Variants in ANGPT1 observed in about 807,000 individuals in gnomAD.
ANGPT1 encodes the protein angiopoietin-1.
Under a neutral mutation model 62.2 loss-of-function variants are expected in ANGPT1, and 17 were observed. That is an observed-to-expected ratio of 0.27 (90% CI 0.19 to 0.41). The LOEUF (loss-of-function observed/expected upper bound fraction) is 0.41, where lower values mean the gene tolerates loss of function less well. Ranked by LOEUF, ANGPT1 falls within the 10% of genes least tolerant of loss-of-function variation. The pLI is 1.00. For synonymous variants in ANGPT1, 199 were observed against 198.9 expected (o/e 1.00, Z 0.00); for missense variants, 478 against 594.9 (o/e 0.80, Z 2.04).
chr8:107,273,341 C>A (rs1330898002), intron 7 of ANGPT1, among the ~76,000 whole-genome samples: 1 of 151,908 alleles, frequency 6.6e-6, no homozygotes, highest in East Asian at 1.9e-4. Flanking sequence ...AAATACTTTC[C>A]CTTGTTGTAC....
chr8:107,400,340 C>A (rs1817020300), intron 1 of ANGPT1, among the ~76,000 whole-genome samples: 1 of 152,152 alleles, frequency 6.6e-6, no homozygotes. Flanking sequence ...TCAGTTTATT[C>A]CCTGCTATAG....
In ANGPT1 at chr8:107,354,390, C is replaced by T. The variant is rs114160176; in HGVS notation, c.298-7293G>A. On this transcript the variant is annotated intron_variant, in intron 1 of 8. Coordinates refer to ENST00000517746, the MANE Select transcript of ANGPT1 (RefSeq NM_001146.5). ...TCCAGGTACTATCATTGATATACTC[C>T]ATGAATTTGGAGAAATCACTTAAAC... Among the ~76,000 whole-genome samples the T allele has an allele frequency of 3.8e-3, 585 of 152,126 alleles. 6 individuals are homozygous for T. The highest frequency in any genetic ancestry group is 0.014 in the African/African-American group (563 of 41,506).
intron 1 of ANGPT1, among the ~76,000 whole-genome samples, chr8:107,367,516 C>G (rs1337489760): frequency 2.6e-5 from 4 of 151,986 alleles, no homozygotes; most frequent in Non-Finnish European, 5.9e-5. Flanking sequence ...ATTGACTGTT[C>G]CTTTCACTAA....
chr8:107,266,656 G>T (rs1284717007), intron 7 of ANGPT1, among the ~76,000 whole-genome samples: 1 of 152,048 alleles, frequency 6.6e-6, no homozygotes, highest in African/African-American at 2.4e-5. Context: ...ATTTGTAATG[G>T]CCTTCCTTTT....
chr8:107,452,084 A>G (rs894845595), intron 1 of ANGPT1, among the ~76,000 whole-genome samples: 3 of 151,750 alleles, frequency 2.0e-5, no homozygotes, highest in African/African-American at 7.3e-5. Flanking sequence ...GTATAGAATG[A>G]ATAGAATAAG....
chr8:107,492,952 T>C (rs1292055960), intron 1 of ANGPT1, among the ~76,000 whole-genome samples: 3 of 150,412 alleles, frequency 2.0e-5, no homozygotes, highest in African/African-American at 7.4e-5. Flanking sequence ...TAAGTTCTTG[T>C]GCTTATAGAA....
intron 4 of ANGPT1, among the ~76,000 whole-genome samples, chr8:107,313,979 T>C (rs1396347226): frequency 6.6e-6 from 1 of 152,176 alleles, no homozygotes; most frequent in Non-Finnish European, 1.5e-5. Flanking sequence ...TTACTGTCTC[T>C]CAGAGTAATT....
intron 1 of ANGPT1, among the ~76,000 whole-genome samples, chr8:107,394,861 A>C (rs1266985123): frequency 6.6e-6 from 1 of 152,216 alleles, no homozygotes; most frequent in Non-Finnish European, 1.5e-5. Context: ...GAACATTAAT[A>C]ACTCATAAAA....
chr8:107,267,238 T>C (rs993280893), intron 7 of ANGPT1, among the ~76,000 whole-genome samples: 1 of 152,108 alleles, frequency 6.6e-6, no homozygotes, highest in Non-Finnish European at 1.5e-5. Flanking sequence ...GAGATTATTT[T>C]CAAATACAAA....
intron 4 of ANGPT1, among the ~76,000 whole-genome samples, chr8:107,314,899 G>A (rs996237630): frequency 3.3e-5 from 5 of 152,114 alleles, no homozygotes; most frequent in African/African-American, 9.7e-5. Context: ...GATGTTTTTA[G>A]AGTCATTCTT....
At chr8:107,263,145 G>A (rs976678862) in intron 8 of ANGPT1, among the ~76,000 whole-genome samples, 5 of 151,900 alleles carry the variant, frequency 3.3e-5, no homozygotes, top group South Asian at 2.1e-4. Context: ...CTTGAGGTCC[G>A]GAGTTCAAGA....
chr8:107,447,601 T>C (rs1328722028), intron 1 of ANGPT1, among the ~76,000 whole-genome samples: 2 of 152,198 alleles, frequency 1.3e-5, no homozygotes, highest in Admixed American at 6.5e-5. Flanking sequence ...AAATGTCACC[T>C]TCTTGGTAAG....
At chr8:107,440,664 T>C (rs1200918496) in intron 1 of ANGPT1, among the ~76,000 whole-genome samples, 1 of 152,212 alleles carries the variant, frequency 6.6e-6, no homozygotes, top group African/African-American at 2.4e-5. Flanking sequence ...ATACCATAAT[T>C]GGAAAACCAA....
intron 1 of ANGPT1, among the ~76,000 whole-genome samples, chr8:107,388,684 G>T (rs762479785): frequency 2.0e-5 from 3 of 152,052 alleles, no homozygotes; most frequent in Non-Finnish European, 2.9e-5. Flanking sequence ...ACGCACACCC[G>T]TGAATCTGTA....
intron 1 of ANGPT1, among the ~76,000 whole-genome samples, chr8:107,476,850 GT>G (rs993560233): frequency 5.9e-5 from 9 of 152,188 alleles, no homozygotes; most frequent in African/African-American, 2.2e-4. Context: ...AAGACTTCTG[GT>G]TTATTTTTAT....
chr8:107,403,085 G>A (rs145565501), intron 1 of ANGPT1, among the ~76,000 whole-genome samples: 10 of 152,162 alleles, frequency 6.6e-5, no homozygotes, highest in African/African-American at 2.4e-4. Context: ...AGCTTCTAGA[G>A]TGTGTTCAGT....
chr8:107,320,490 A>C (rs1815125440), intron 4 of ANGPT1, among the ~76,000 whole-genome samples: 2 of 152,188 alleles, frequency 1.3e-5, no homozygotes, highest in Non-Finnish European at 2.9e-5. Context: ...ATGAGAATAG[A>C]TATAACTTGT....
chr8:107,288,985 A>G (rs1344088869), intron 6 of ANGPT1, among the ~76,000 whole-genome samples: 1 of 152,184 alleles, frequency 6.6e-6, no homozygotes, highest in African/African-American at 2.4e-5. Flanking sequence ...TTGAAAAAGC[A>G]GCAACGAATG....
At chr8:107,252,794 ATAAAT>A (rs1392633506) in intron 8 of ANGPT1, among the ~76,000 whole-genome samples, 2 of 152,222 alleles carry the variant, frequency 1.3e-5, no homozygotes, top group Non-Finnish European at 2.9e-5. Flanking sequence ...TATTTTTTAA[ATAAAT>A]TAAGTTCTTA....
Sources: allele counts gnomAD v4.1 joint callset (sites outside exome capture counted in the v4.1 genomes callset), GRCh38; gene constraint gnomAD v4.1.1; transcripts MANE v1.5; gene names NCBI Gene and HGNC (gene_info 2026-07-23, HGNC 2026-07-21).